UTRN: variants seen among roughly 807,000 people sequenced by gnomAD.
UTRN encodes the protein utrophin.
UTRN carries 283 observed loss-of-function variants against 463.9 expected under a neutral mutation model. The ratio of observed to expected loss-of-function variants is 0.61; its 90% CI spans 0.55 to 0.67. The LOEUF is 0.67. Ranked by LOEUF, UTRN falls within the 30% of genes least tolerant of loss-of-function variation. The pLI is 0.00. For synonymous variants in UTRN, 1,442 were observed against 1,431.5 expected, an observed-to-expected ratio of 1.01 and a Z score of -0.17; for missense variants, 3,922 against 4,084.3, an observed-to-expected ratio of 0.96 and a Z score of 1.08.
chr6:144,665,932 C>T (rs962364943), intron 51 of UTRN, among the ~76,000 whole-genome samples: 4 of 152,186 alleles, frequency 2.6e-5, no homozygotes, highest in African/African-American at 9.7e-5. Context: ...CTTGCCATGG[C>T]CCCTCTGTGC....
At chr6:144,718,492 C>G (rs1007442485) in intron 53 of UTRN, among the ~76,000 whole-genome samples, 7 of 152,126 alleles carry the variant, frequency 4.6e-5, no homozygotes, top group Admixed American at 4.6e-4. Flanking sequence ...TTCTACAGCA[C>G]TGAATAGTTT....
At chr6:144,470,915 A>G (rs1315929844) in intron 23 of UTRN, among the ~76,000 whole-genome samples, 2 of 151,380 alleles carry the variant, frequency 1.3e-5, no homozygotes, top group African/African-American at 4.9e-5. Context: ...GATCCCAGGC[A>G]CTCGGCAGGC....
chr6:144,762,324 A>G (rs1037486038), intron 58 of UTRN, among the ~76,000 whole-genome samples: 1 of 152,294 alleles, frequency 6.6e-6, no homozygotes, highest in Non-Finnish European at 1.5e-5. Flanking sequence ...TTTTAGTCCC[A>G]TGGAAACTTT....
In UTRN at chr6:144,771,938, C is replaced by G. The variant is rs1250558475; in HGVS notation, c.8527C>G (p.Pro2843Ala). ...HQTQTTCWDH[P>A]KMTELFQSLA... is the part of the protein sequence containing the mutation. ...AACACAGACCACCTGTTGGGACCAT[C>G]CTAAAATGACCGAACTCTTTCAATC... The change falls in exon 59 of 75, where the codon CCT becomes GCT. Residue 2843 changes from proline to alanine, a missense_variant. This residue lies in a region of UTRN where 1,309 missense variants were observed against 1,452.6 expected (regional missense o/e 0.90). Coordinates refer to ENST00000367545, the MANE Select transcript of UTRN (RefSeq NM_007124.3). 6.4e-7 allele frequency: 1 copy of G among 1,573,278 alleles called. No homozygotes were observed. Among genetic ancestry groups the G allele is most frequent in the East Asian group, 2.3e-5 (1 of 43,752 alleles).
intron 2 of UTRN, among the ~76,000 whole-genome samples, chr6:144,393,845 A>C (rs903911756): frequency 6.6e-6 from 1 of 152,164 alleles, no homozygotes; most frequent in Admixed American, 6.5e-5. Flanking sequence ...TGTGGCCCTT[A>C]AGGTTATGTA....
intron 43 of UTRN, among the ~76,000 whole-genome samples, chr6:144,535,567 C>T (rs1430557357): frequency 2.0e-5 from 3 of 152,104 alleles, no homozygotes; most frequent in African/African-American, 4.8e-5. Context: ...ATCTCTTCCC[C>T]AACAGCTTAT....
chr6:144,367,070 A>G (rs543079191), intron 2 of UTRN, among the ~76,000 whole-genome samples: 1 of 151,922 alleles, frequency 6.6e-6, no homozygotes, highest in Non-Finnish European at 1.5e-5. Context: ...TGCAACCTCC[A>G]TCTCCCGGGT....
chr6:144,438,957 T>C, intron 12 of UTRN, 62 bp downstream of exon 12: 1 of 1,551,832 alleles, frequency 6.4e-7, no homozygotes. Flanking sequence ...ACTTAGCATC[T>C]CAGAGGCTGA....
chr6:144,357,415 C>G (rs1474473689), intron 2 of UTRN, among the ~76,000 whole-genome samples: 1 of 152,216 alleles, frequency 6.6e-6, no homozygotes, highest in African/African-American at 2.4e-5. Flanking sequence ...TGAGACTAGA[C>G]TTAGAGACAT....
At chr6:144,780,417 A>AT (rs910945231) in intron 60 of UTRN, among the ~76,000 whole-genome samples, 8 of 152,174 alleles carry the variant, frequency 5.3e-5, no homozygotes, top group Non-Finnish European at 1.2e-4. Flanking sequence ...TTCTAGTCTA[A>AT]TTTTTTTATG....
intron 1 of UTRN, among the ~76,000 whole-genome samples, chr6:144,288,531 C>T (rs573909514): frequency 6.7e-6 from 1 of 150,150 alleles, no homozygotes; most frequent in East Asian, 1.9e-4. Flanking sequence ...CTTTTATAGA[C>T]ATTCTTCTGA....
chr6:144,489,739 A>G (rs1391195528), intron 30 of UTRN, among the ~76,000 whole-genome samples: 2 of 151,990 alleles, frequency 1.3e-5, no homozygotes, highest in Non-Finnish European at 2.9e-5. Flanking sequence ...CTCCTGCCTC[A>G]GCCTCCCGAG....
intron 51 of UTRN, among the ~76,000 whole-genome samples, chr6:144,659,395 C>T (rs887428257): frequency 2.0e-5 from 3 of 152,162 alleles, no homozygotes; most frequent in Non-Finnish European, 4.4e-5. Flanking sequence ...CTGCCAGAGC[C>T]CACTGAGGCT....
At chr6:144,482,773 G>A (rs919716047) in intron 27 of UTRN, among the ~76,000 whole-genome samples, 4 of 152,028 alleles carry the variant, frequency 2.6e-5, no homozygotes, top group Admixed American at 2.0e-4. Flanking sequence ...GTTTTGTTTT[G>A]CCTGGTTGAG....
intron 70 of UTRN, 48 bp from the exon 71 acceptor site, chr6:144,836,253 C>A: frequency 1.2e-6 from 2 of 1,610,458 alleles, no homozygotes; most frequent in Non-Finnish European, 1.7e-6. Flanking sequence ...TTTGGAGAGA[C>A]GATAATGCAC....
At chr6:144,332,075 C>G (rs946181672) in intron 2 of UTRN, among the ~76,000 whole-genome samples, 4 of 152,220 alleles carry the variant, frequency 2.6e-5, no homozygotes, top group African/African-American at 9.7e-5. Flanking sequence ...TCTTGGCTAT[C>G]TCCTTCTCCT....
intron 51 of UTRN, among the ~76,000 whole-genome samples, chr6:144,655,002 T>C (rs562634103): frequency 6.6e-6 from 1 of 152,034 alleles, no homozygotes; most frequent in Non-Finnish European, 1.5e-5. Flanking sequence ...ATAGAAAATA[T>C]ATTAAGTATT....
intron 2 of UTRN, among the ~76,000 whole-genome samples, chr6:144,321,260 G>A (rs1422160797): frequency 6.6e-6 from 1 of 151,950 alleles, no homozygotes; most frequent in Non-Finnish European, 1.5e-5. Flanking sequence ...GGGTATATGT[G>A]TTTGTCTATA....
chr6:144,528,856 T>C (rs1377997582), intron 41 of UTRN, among the ~76,000 whole-genome samples: 1 of 152,216 alleles, frequency 6.6e-6, no homozygotes, highest in African/African-American at 2.4e-5. Context: ...GGCAGGGCCA[T>C]AGAGCTCCTA....
Sources: allele counts gnomAD v4.1 joint callset (sites outside exome capture counted in the v4.1 genomes callset), GRCh38; gene constraint gnomAD v4.1.1; regional missense constraint gnomAD v4.1.1; transcripts MANE v1.5; gene names NCBI Gene and HGNC (gene_info 2026-07-23, HGNC 2026-07-21).